GRIK2: variants seen among roughly 807,000 people sequenced by gnomAD.
GRIK2 encodes the protein glutamate ionotropic receptor kainate type subunit 2.
A neutral mutation model predicts 100.3 loss-of-function variants in GRIK2; 32 were observed. That is an observed-to-expected ratio of 0.32 (90% CI 0.24 to 0.43). The LOEUF (loss-of-function observed/expected upper bound fraction) is 0.43. Ranked by LOEUF, GRIK2 falls within the 20% of genes least tolerant of loss-of-function variation. The pLI is 1.00. For synonymous variants in GRIK2, 417 were observed against 389.4 expected (o/e 1.07, Z -0.83); for missense variants, 843 against 1,114.9 (o/e 0.76, Z 3.47).
intron 4 of GRIK2, among the ~76,000 whole-genome samples, chr6:101,667,964 G>T (rs543481819): frequency 6.6e-6 from 1 of 152,140 alleles, no homozygotes; most frequent in East Asian, 1.9e-4. Context: ...AAACTCATTT[G>T]CCACTTGGTT....
chr6:102,062,328 G>T (rs2114525824), intron 16 of GRIK2, among the ~76,000 whole-genome samples: 1 of 150,470 alleles, frequency 6.6e-6, no homozygotes, highest in African/African-American at 2.4e-5. Context: ...CATTTAGCAA[G>T]AATAGAGTCC....
intron 7 of GRIK2, 92 bp downstream of exon 7, chr6:101,686,445 T>G: frequency 1.1e-6 from 1 of 870,620 alleles, no homozygotes; most frequent in African/African-American, 1.7e-5. Flanking sequence ...CATATAAACT[T>G]CAGTTTAATT....
At chr6:101,923,783 T>G (rs1451031718) in intron 12 of GRIK2, among the ~76,000 whole-genome samples, 1 of 151,914 alleles carries the variant, frequency 6.6e-6, no homozygotes, top group Non-Finnish European at 1.5e-5. Flanking sequence ...TAGCTGGGTG[T>G]GGTGGCATGC....
At chr6:101,654,834 C>G (rs563996887) in intron 4 of GRIK2, among the ~76,000 whole-genome samples, 109 of 152,264 alleles carry the variant, frequency 7.2e-4, no homozygotes, top group African/African-American at 2.6e-3. Context: ...CACCTCTGCT[C>G]TGAAATCTTT....
intron 14 of GRIK2, among the ~76,000 whole-genome samples, chr6:102,016,628 A>T (rs939413953): frequency 7.9e-5 from 12 of 151,966 alleles, no homozygotes; most frequent in African/African-American, 2.9e-4. Context: ...GGATTAGATA[A>T]GGAGACTGAA....
At chr6:101,595,741 T>TATATATATATATATATATATATA (rs1778899760) in intron 2 of GRIK2, among the ~76,000 whole-genome samples, 2 of 146,418 alleles carry the variant, frequency 1.4e-5, no homozygotes, top group African/African-American at 2.5e-5. Context: ...TATATATATA[T>TATATATATATATATATATATATA]TCATACACAT....
chr6:101,850,171 C>T (rs192496294), intron 10 of GRIK2, among the ~76,000 whole-genome samples: 24 of 151,930 alleles, frequency 1.6e-4, no homozygotes, highest in Non-Finnish European at 2.5e-4. Flanking sequence ...GCAAAGTAGA[C>T]GTGTAAATAA....
intron 10 of GRIK2, among the ~76,000 whole-genome samples, chr6:101,856,873 A>G (rs937934062): frequency 6.6e-6 from 1 of 152,252 alleles, no homozygotes; most frequent in African/African-American, 2.4e-5. Flanking sequence ...AAAAGAATTA[A>G]GAGATCAGCT....
chr6:101,573,498 G>T (rs1357590922), intron 2 of GRIK2, among the ~76,000 whole-genome samples: 2 of 152,114 alleles, frequency 1.3e-5, no homozygotes, highest in Non-Finnish European at 2.9e-5. Flanking sequence ...TAATACTCAC[G>T]TTGTTTCATA....
chr6:101,796,156 A>G (rs6937553), intron 7 of GRIK2, among the ~76,000 whole-genome samples: 3,892 of 152,236 alleles, frequency 0.026, 174 homozygotes, highest in African/African-American at 0.088. Context: ...TCTATATGCT[A>G]TGGTTTGTTT....
chr6:101,923,767 A>G (rs1789703326), intron 12 of GRIK2, among the ~76,000 whole-genome samples: 1 of 151,920 alleles, frequency 6.6e-6, no homozygotes, highest in African/African-American at 2.4e-5. Flanking sequence ...TTAAAATGCA[A>G]AAAATTAGCT....
chr6:101,888,567 T>TA (rs1233316765), intron 11 of GRIK2, among the ~76,000 whole-genome samples: 1 of 152,158 alleles, frequency 6.6e-6, no homozygotes, highest in Non-Finnish European at 1.5e-5. Context: ...CTCTCAAAGA[T>TA]ACTCTTTCCA....
chr6:101,920,319 T>C (rs1318951321), intron 12 of GRIK2, among the ~76,000 whole-genome samples: 1 of 151,988 alleles, frequency 6.6e-6, no homozygotes, highest in Non-Finnish European at 1.5e-5. Flanking sequence ...AGCTCTGTTT[T>C]CCTCAGCAAG....
chr6:101,701,943 C>G (rs992960368), intron 7 of GRIK2, among the ~76,000 whole-genome samples: 3 of 151,924 alleles, frequency 2.0e-5, no homozygotes, highest in Non-Finnish European at 4.4e-5. Context: ...GTAAGAGTAA[C>G]CAAAGCTCTG....
intron 2 of GRIK2, among the ~76,000 whole-genome samples, chr6:101,497,594 C>G (rs1036193919): frequency 1.3e-5 from 2 of 152,158 alleles, no homozygotes; most frequent in African/African-American, 4.8e-5. Flanking sequence ...GCTGAACCTA[C>G]TATACATCTT....
chr6:101,684,233 G>T (rs1391393672), intron 6 of GRIK2, among the ~76,000 whole-genome samples: 2 of 152,124 alleles, frequency 1.3e-5, no homozygotes, highest in African/African-American at 4.8e-5. Context: ...TTATATTTCA[G>T]TGCTGTTACA....
intron 4 of GRIK2, among the ~76,000 whole-genome samples, chr6:101,675,667 C>T (rs1770782778): frequency 6.6e-6 from 1 of 151,988 alleles, no homozygotes; most frequent in Non-Finnish European, 1.5e-5. Context: ...TTTTAAAATG[C>T]ATCACAGTTA....
intron 2 of GRIK2, among the ~76,000 whole-genome samples, chr6:101,461,017 G>A (rs1771279894): frequency 6.6e-6 from 1 of 152,086 alleles, no homozygotes; most frequent in African/African-American, 2.4e-5. Context: ...CAATTAGAAA[G>A]GAAGATAACA....
chr6:101,632,197 G>A (rs1437677623), intron 4 of GRIK2, among the ~76,000 whole-genome samples: 2 of 151,978 alleles, frequency 1.3e-5, no homozygotes, highest in Non-Finnish European at 1.5e-5. Context: ...TCTGGAATAG[G>A]TCTCTCCAAA....
Sources: gnomAD v4.1 joint callset for allele counts (sites outside exome capture counted in the v4.1 genomes callset) on GRCh38, gnomAD v4.1.1 for gene constraint, MANE v1.5 for transcripts, NCBI Gene and HGNC (gene_info 2026-07-23, HGNC 2026-07-21) for gene names.